Variants in FBXL7 observed in about 807,000 individuals in gnomAD.
The protein encoded by FBXL7 is F-box and leucine rich repeat protein 7.
A neutral mutation model predicts 38.3 loss-of-function variants in FBXL7; 12 were observed. The observed-to-expected ratio is 0.31, with a 90% CI of 0.20 to 0.51. The LOEUF is 0.51. FBXL7 is among the 20% of genes least tolerant of loss of function. The probability of loss-of-function intolerance (pLI) is 0.98; values close to 1 mark genes in which losing one functional copy is unlikely to be tolerated. For synonymous variants in FBXL7, 297 were observed against 300.9 expected (o/e 0.99, Z 0.13); for missense variants, 567 against 676.4 (o/e 0.84, Z 1.79).
At chr5:15,723,149 C>T (rs1408142189) in intron 2 of FBXL7, among the ~76,000 whole-genome samples, 1 of 151,894 alleles carries the variant, frequency 6.6e-6, no homozygotes, top group African/African-American at 2.4e-5. Context: ...TATGAGTAGC[C>T]AAGCTGTGGA....
chr5:15,899,526 T>G (rs1741184348), intron 2 of FBXL7, among the ~76,000 whole-genome samples: 1 of 152,314 alleles, frequency 6.6e-6, no homozygotes, highest in South Asian at 2.1e-4. Flanking sequence ...CAAGATTTTT[T>G]TATAAGCTTT....
intron 1 of FBXL7, among the ~76,000 whole-genome samples, chr5:15,519,213 G>C (rs556321749): frequency 1.3e-5 from 2 of 152,044 alleles, no homozygotes; most frequent in Non-Finnish European, 2.9e-5. Context: ...GTGTGGTGGC[G>C]TGTGCCTGTC....
intron 2 of FBXL7, among the ~76,000 whole-genome samples, chr5:15,688,955 G>T (rs770035143): frequency 3.3e-5 from 5 of 152,146 alleles, no homozygotes; most frequent in East Asian, 3.9e-4. Flanking sequence ...CTGGGTAATT[G>T]GTTCAGAAAG....
intron 2 of FBXL7, among the ~76,000 whole-genome samples, chr5:15,743,701 T>C (rs1416025506): frequency 6.6e-6 from 1 of 152,212 alleles, no homozygotes; most frequent in Non-Finnish European, 1.5e-5. Context: ...GGTGGTCCAA[T>C]CCCACATTTC....
chr5:15,591,467 C>T (rs1399810928), intron 1 of FBXL7, among the ~76,000 whole-genome samples: 3 of 150,970 alleles, frequency 2.0e-5, no homozygotes, highest in African/African-American at 7.3e-5. Flanking sequence ...TACCATGGGG[C>T]TAGGCATTCA....
At chr5:15,527,622 AC>A (rs1284974697) in intron 1 of FBXL7, among the ~76,000 whole-genome samples, 12 of 152,338 alleles carry the variant, frequency 7.9e-5, no homozygotes, top group Non-Finnish European at 1.5e-4. Context: ...AAAGTATAAA[AC>A]TATAATCCCT....
intron 2 of FBXL7, among the ~76,000 whole-genome samples, chr5:15,725,192 C>G (rs938481113): frequency 6.6e-6 from 1 of 152,016 alleles, no homozygotes; most frequent in Non-Finnish European, 1.5e-5. Flanking sequence ...TTAGTTTATA[C>G]TTCTTTCCCT....
chr5:15,725,075 T>A (rs149352818), intron 2 of FBXL7, among the ~76,000 whole-genome samples: 88 of 152,344 alleles, frequency 5.8e-4, no homozygotes, highest in Non-Finnish European at 8.2e-4. Flanking sequence ...TATTTACACT[T>A]TCTGTGTCCT....
intron 2 of FBXL7, among the ~76,000 whole-genome samples, chr5:15,733,083 T>C (rs190279631): frequency 9.6e-4 from 145 of 150,412 alleles, no homozygotes; most frequent in Middle Eastern, 3.4e-3. Flanking sequence ...TTAAAAATCA[T>C]GTTTTTTGTT....
intron 2 of FBXL7, among the ~76,000 whole-genome samples, chr5:15,624,720 A>G (rs1474660970): frequency 2.6e-5 from 4 of 152,236 alleles, no homozygotes; most frequent in African/African-American, 9.6e-5. Context: ...CTGATGATTC[A>G]GATGTTTCTG....
At chr5:15,853,706 T>C (rs894366115) in intron 2 of FBXL7, among the ~76,000 whole-genome samples, 1 of 152,138 alleles carries the variant, frequency 6.6e-6, no homozygotes, top group African/African-American at 2.4e-5. Context: ...GGCTGGATTT[T>C]TAAGTATTAA....
chr5:15,830,485 A>AACACACACACACACACAC (rs57825713), intron 2 of FBXL7, among the ~76,000 whole-genome samples: 1 of 144,192 alleles, frequency 6.9e-6, no homozygotes, highest in African/African-American at 2.6e-5. Context: ...CTCCATCTAA[A>AACACACACACACACACAC]ACACACACAC....
chr5:15,514,706 G>A lies in FBXL7; in HGVS notation c.37+13993G>A, dbSNP rs76125762. On this transcript the variant is annotated intron_variant, in intron 1 of 3. Coordinates refer to ENST00000504595, the MANE Select transcript of FBXL7 (RefSeq NM_012304.5). The stretch of plus-strand genomic sequence containing the variant: ...GATGAATAGAGTGGCTGCCCTACTC[G>A]TCTGTACAGATGGCCTCTTCAGGAC... 2.8e-3 allele frequency among the ~76,000 whole-genome samples: 433 copies of A among 152,036 alleles called. 3 individuals carry two copies. Among genetic ancestry groups the A allele is most frequent in the African/African-American group, 9.4e-3 (391 of 41,448 alleles).
At chr5:15,857,261 A>C (rs1009038395) in intron 2 of FBXL7, among the ~76,000 whole-genome samples, 1 of 152,170 alleles carries the variant, frequency 6.6e-6, no homozygotes, top group Non-Finnish European at 1.5e-5. Flanking sequence ...AATATTAACT[A>C]TGTAAAGTAT....
chr5:15,802,679 A>T (rs1414294194), intron 2 of FBXL7, among the ~76,000 whole-genome samples: 1 of 150,268 alleles, frequency 6.7e-6, no homozygotes, highest in Non-Finnish European at 1.5e-5. Context: ...TTAAAGACAG[A>T]GTCTCATGCT....
chr5:15,634,313 CTTTT>C (rs57823645), intron 2 of FBXL7, among the ~76,000 whole-genome samples: 22,091 of 112,022 alleles, frequency 0.2, 1,915 homozygotes, highest in East Asian at 0.37. Flanking sequence ...ATGTTCGTTT[CTTTT>C]TTTTTTTTTT....
chr5:15,824,032 C>T (rs887426959), intron 2 of FBXL7, among the ~76,000 whole-genome samples: 1 of 152,102 alleles, frequency 6.6e-6, no homozygotes, highest in African/African-American at 2.4e-5. Flanking sequence ...AATCCCAGCA[C>T]TTTGGGAGGC....
intron 2 of FBXL7, among the ~76,000 whole-genome samples, chr5:15,820,381 C>A (rs1738137157): frequency 6.6e-6 from 1 of 152,128 alleles, no homozygotes; most frequent in Middle Eastern, 3.2e-3. Flanking sequence ...ATCCTCTCTC[C>A]CAAGAGGGCT....
intron 1 of FBXL7, among the ~76,000 whole-genome samples, chr5:15,574,079 C>T (rs545531465): frequency 6.6e-6 from 1 of 152,280 alleles, no homozygotes; most frequent in South Asian, 2.1e-4. Flanking sequence ...TGGTAGCTTT[C>T]TATTGTCTAT....
Sources: gnomAD v4.1 joint callset for allele counts (sites outside exome capture counted in the v4.1 genomes callset) on GRCh38, gnomAD v4.1.1 for gene constraint, MANE v1.5 for transcripts, NCBI Gene and HGNC (gene_info 2026-07-23, HGNC 2026-07-21) for gene names.